MAP3K20: variants seen among roughly 807,000 people sequenced by gnomAD.
MAP3K20 encodes the protein HCCS-4.
A neutral mutation model predicts 85.7 loss-of-function variants in MAP3K20; 40 were observed. The ratio of observed to expected loss-of-function variants is 0.47; its 90% confidence interval spans 0.36 to 0.61. The LOEUF (loss-of-function observed/expected upper bound fraction) is 0.61. MAP3K20 is among the 20% of genes least tolerant of loss of function. MAP3K20 has a pLI of 0.00. For missense variants in MAP3K20, 817 were observed against 961.7 expected, an observed-to-expected ratio of 0.85 and a Z score of 1.99; for synonymous variants, 325 against 327.7, an observed-to-expected ratio of 0.99 and a Z score of 0.09.
At chr2:173,259,452 G>A (rs1422495301) in intron 17 of MAP3K20, among the ~76,000 whole-genome samples, 1 of 152,214 alleles carries the variant, frequency 6.6e-6, no homozygotes, top group Non-Finnish European at 1.5e-5. Flanking sequence ...ATACATATGA[G>A]ACTTCAATTG....
chr2:173,121,148 G>T (rs901368198), intron 2 of MAP3K20, among the ~76,000 whole-genome samples: 5 of 152,150 alleles, frequency 3.3e-5, no homozygotes, highest in African/African-American at 4.8e-5. Context: ...CTCATTTGAT[G>T]CCATAACTGA....
chr2:173,156,813 C>T (rs572978466), intron 2 of MAP3K20, among the ~76,000 whole-genome samples: 131 of 152,216 alleles, frequency 8.6e-4, no homozygotes, highest in African/African-American at 3.0e-3. Flanking sequence ...AAGTTCCTGG[C>T]GTAGACAAAG....
intron 2 of MAP3K20, among the ~76,000 whole-genome samples, chr2:173,111,709 G>T (rs1310914214): frequency 6.6e-6 from 1 of 152,026 alleles, no homozygotes; most frequent in Non-Finnish European, 1.5e-5. Context: ...GTTTTTGTTT[G>T]CTTTGTTGAC....
chr2:173,205,486 A>G lies in MAP3K20; in HGVS notation c.744+1616A>G, dbSNP rs1299034727. Among the ~76,000 whole-genome samples the G allele has an allele frequency of 3.9e-5, 6 of 152,324 alleles. No individual in the cohort carries two copies. The East Asian group carries it at 9.6e-4, about 24-fold the overall frequency. On this transcript the variant is annotated intron_variant, in intron 9 of 19. Coordinates refer to ENST00000375213, the MANE Select transcript of MAP3K20 (RefSeq NM_016653.3). Reference sequence around the variant, plus strand: ...TGTTGATGGTTCATAATGTTTCCCAACACATTGTTCTGCACTGAGCACAAA... The same window carrying G: ...TGTTGATGGTTCATAATGTTTCCCAGCACATTGTTCTGCACTGAGCACAAA...
At chr2:173,192,483 G>A (rs993853101) in intron 7 of MAP3K20, among the ~76,000 whole-genome samples, 1 of 152,110 alleles carries the variant, frequency 6.6e-6, no homozygotes, top group African/African-American at 2.4e-5. Flanking sequence ...GAAGGCAAGA[G>A]TAACATCAGG....
At chr2:173,094,502 C>G (rs1019254793) in intron 2 of MAP3K20, among the ~76,000 whole-genome samples, 4 of 152,188 alleles carry the variant, frequency 2.6e-5, no homozygotes, top group African/African-American at 9.7e-5. Flanking sequence ...TTTTCCAACC[C>G]AGGATCCAAT....
At chr2:173,105,736 G>A (rs987013715) in intron 2 of MAP3K20, among the ~76,000 whole-genome samples, 1 of 152,144 alleles carries the variant, frequency 6.6e-6, no homozygotes, top group Non-Finnish European at 1.5e-5. Flanking sequence ...AAGTAGAATA[G>A]AGATTACCAG....
chr2:173,140,072 C>T (rs568002092), intron 2 of MAP3K20, among the ~76,000 whole-genome samples: 9 of 152,068 alleles, frequency 5.9e-5, no homozygotes, highest in Non-Finnish European at 1.2e-4. Flanking sequence ...AGTGCAATGG[C>T]GCAATCTCAG....
chr2:173,138,123 C>A (rs766919234), intron 2 of MAP3K20, among the ~76,000 whole-genome samples: 1 of 151,670 alleles, frequency 6.6e-6, no homozygotes, highest in Non-Finnish European at 1.5e-5. Flanking sequence ...GCCCGCCACC[C>A]AACCCAGCTA....
rs547064590 is a variant in MAP3K20 at position 173,138,566 on chromosome 2, A to G, written c.160-31239A>G. Among the ~76,000 whole-genome samples the G allele has an allele frequency of 3.3e-5, 5 of 152,336 alleles. No individual in the cohort carries two copies. The East Asian group carries it at 9.6e-4, about 29-fold the overall frequency. Reference sequence around the variant, plus strand: ...AAATTTTAATAGCTATTTTAGTCCAACAGCCCCAAGCCCTCATTTTAACAA... The same window carrying G: ...AAATTTTAATAGCTATTTTAGTCCAGCAGCCCCAAGCCCTCATTTTAACAA... On this transcript the variant is annotated intron_variant, in intron 2 of 19. Transcript: ENST00000375213.
At chr2:173,238,221 T>G in intron 14 of MAP3K20, 152 bp from the exon 15 acceptor site, 12 of 689,764 alleles carry the variant, frequency 1.7e-5, no homozygotes, top group Admixed American at 3.2e-5. Flanking sequence ...CTTTGGACAA[T>G]GAGATTTATT....
chr2:173,106,524 A>G (rs1359910147), intron 2 of MAP3K20, among the ~76,000 whole-genome samples: 10 of 152,224 alleles, frequency 6.6e-5, no homozygotes, highest in South Asian at 4.1e-4. Flanking sequence ...GAAATGTAGT[A>G]TGGTTGCTGA....
Position 173,169,836 on chromosome 2 carries a change from A to T in MAP3K20, c.191A>T (p.Asn64Ile). Residue 64 changes from asparagine to isoleucine, a missense_variant, in exon 3 of 20, where the codon AAC becomes ATC. Physicochemically the swap from Asn to Ile is moderately radical, Grantham distance 149 (BLOSUM62 -3). This residue lies in a region of MAP3K20 where 200 missense variants were observed against 302.7 expected (regional missense o/e 0.66). Coordinates refer to ENST00000375213, the MANE Select transcript of MAP3K20 (RefSeq NM_016653.3). ...AEILSVLSHRNIIQFYGVILE... is the reference protein window; with the variant it reads ...AEILSVLSHRIIIQFYGVILE... ...ATACTCAGTGTCCTCAGTCACAGAA[A>T]CATCATCCAGTTTTATGGAGTAATT... The T allele has an allele frequency of 6.2e-7, 1 of 1,613,960 alleles. No individual in the cohort carries two copies. Among genetic ancestry groups the T allele is most frequent in the Non-Finnish European group, 8.5e-7 (1 of 1,179,974 alleles).
At chr2:173,252,933 CTA>C (rs1170965146) in intron 16 of MAP3K20, among the ~76,000 whole-genome samples, 11 of 152,218 alleles carry the variant, frequency 7.2e-5, no homozygotes, top group African/African-American at 2.7e-4. Flanking sequence ...TATGATCCAT[CTA>C]TGTAAGAAGA....
intron 10 of MAP3K20, 45 bp downstream of exon 10, chr2:173,209,880 C>A (rs764771202): frequency 6.7e-7 from 1 of 1,482,070 alleles, no homozygotes; most frequent in East Asian, 2.3e-5. Context: ...CTTTCAAAGA[C>A]CATCACTCGT....
At chr2:173,123,971 A>C (rs1688370339) in intron 2 of MAP3K20, among the ~76,000 whole-genome samples, 1 of 152,142 alleles carries the variant, frequency 6.6e-6, no homozygotes, top group South Asian at 2.1e-4. Flanking sequence ...TATATTCATC[A>C]TTACTGCCAT....
intron 2 of MAP3K20, among the ~76,000 whole-genome samples, chr2:173,094,600 A>G (rs1052443970): frequency 6.6e-6 from 1 of 152,148 alleles, no homozygotes; most frequent in Non-Finnish European, 1.5e-5. Flanking sequence ...GTCTTTTAAG[A>G]CGTAGACATT....
Position 173,256,518 on chromosome 2 carries a change from T to TAGACAGACAGACAGACAGACAGAC in MAP3K20, c.1360-2178_1360-2177insCAGACAGACAGACAGACAGACAGA, listed in dbSNP as rs1304644986. On this transcript the variant is annotated intron_variant, in intron 16 of 19. Coordinates refer to ENST00000375213, the MANE Select transcript of MAP3K20 (RefSeq NM_016653.3). ...ATAGATAGATAGATAGATAGATAGATAGATAGATAGATAGACAGACAGACA... is the reference window on the plus strand; with the variant it reads ...ATAGATAGATAGATAGATAGATAGATAGACAGACAGACAGACAGACAGACAGATAGATAGATAGACAGACAGACA... Among the ~76,000 whole-genome samples, 17 of 61,674 alleles carry TAGACAGACAGACAGACAGACAGAC rather than the reference T, an allele frequency of 2.8e-4. No homozygotes were observed. The South Asian group carries it at 6.4e-3, about 23-fold the overall frequency. 40.5% of individuals were successfully genotyped at this position (61,674 alleles called of 152,430 possible). A position where few individuals can be genotyped will look rare whatever the true frequency, so the allele number is the denominator to read the frequency against.
chr2:173,124,656 C>T (rs1472955112), intron 2 of MAP3K20, among the ~76,000 whole-genome samples: 3 of 152,218 alleles, frequency 2.0e-5, no homozygotes, highest in African/African-American at 4.8e-5. Context: ...AACTTGTTCA[C>T]AGGAATCCAG....
Sources: gnomAD v4.1 joint callset for allele counts (sites outside exome capture counted in the v4.1 genomes callset) on GRCh38, gnomAD v4.1.1 for gene constraint, gnomAD v4.1.1 regional missense constraint, MANE v1.5 for transcripts, NCBI Gene and HGNC (gene_info 2026-07-23, HGNC 2026-07-21) for gene names.